The following CFAP184 variants were observed in gnomAD, a reference collection of about 807,000 sequenced individuals.
CFAP184 encodes the protein cilia- and flagella-associated protein 184.
chr4:7,041,874 CAG>C, the CFAP184 span: 1 of 1,610,874 alleles, frequency 6.2e-7, no homozygotes, highest in South Asian at 1.1e-5. Context: ...CCACCTCTCG[CAG>C]AGCAGCCTGG....
At chr4:7,042,033 C>G in the CFAP184 span, 1 of 1,611,658 alleles carries the variant, frequency 6.2e-7, no homozygotes, top group East Asian at 2.2e-5. Context: ...GGTACCACTG[C>G]AGGTCGTCTG....
chr4:7,042,879 G>T, the CFAP184 span: 1 of 1,560,354 alleles, frequency 6.4e-7, no homozygotes, highest in East Asian at 2.4e-5. Flanking sequence ...GCGCGGCCAG[G>T]CTTTCCCCGT....
chr4:7,042,141 A>G, the CFAP184 span: 1 of 1,605,712 alleles, frequency 6.2e-7, no homozygotes, highest in Non-Finnish European at 8.5e-7. Flanking sequence ...CAGCCACCTC[A>G]GCGGCCTCCA....
the CFAP184 span, chr4:7,041,239 A>T: frequency 1.0e-5 from 16 of 1,532,210 alleles, no homozygotes; most frequent in African/African-American, 1.4e-5. Context: ...CCTGAGGATG[A>T]AGTGTTTTGC....
chr4:7,042,840 G>A, the CFAP184 span: 1 of 1,574,308 alleles, frequency 6.4e-7, no homozygotes, highest in Non-Finnish European at 8.6e-7. Context: ...AGGTCGGAGG[G>A]CCAGAGCTGG....
chr4:7,042,188 G>A, the CFAP184 span: 1 of 1,600,778 alleles, frequency 6.2e-7, no homozygotes, highest in Non-Finnish European at 8.5e-7. Context: ...AAGATCTTGT[G>A]CTGCAGGTAT....
chr4:7,042,969 C>A, the CFAP184 span: 1 of 1,398,906 alleles, frequency 7.1e-7, no homozygotes, highest in South Asian at 1.7e-5. Flanking sequence ...GCAGCGGACC[C>A]CGGCAGGACG....
At chr4:7,042,920 G>C in the CFAP184 span, 1 of 1,505,206 alleles carries the variant, frequency 6.6e-7, no homozygotes. Flanking sequence ...TCCTTAGTGT[G>C]CTCAGAGCTG....
chr4:7,042,779 G>GCTCCTCCTC, the CFAP184 span: 1 of 1,542,456 alleles, frequency 6.5e-7, no homozygotes, highest in South Asian at 1.2e-5. Context: ...GAAGCCGCTT[G>GCTCCTCCTC]CTCCTCCTCC....
the CFAP184 span, chr4:7,042,242 G>A: frequency 1.3e-6 from 2 of 1,598,716 alleles, no homozygotes; most frequent in Non-Finnish European, 1.7e-6. Flanking sequence ...AGCAGGGAAC[G>A]GTACTGGTCC....
chr4:7,042,051 C>G, the CFAP184 span: 4,402 of 1,611,220 alleles, frequency 2.7e-3, 104 homozygotes, highest in African/African-American at 0.046. Flanking sequence ...CTGCCTGCTG[C>G]TTCTTCAGCT....
the CFAP184 span, chr4:7,042,902 C>A: frequency 6.5e-7 from 1 of 1,549,748 alleles, no homozygotes; most frequent in Non-Finnish European, 8.7e-7. Flanking sequence ...CCGCCTTCCC[C>A]GCCGGGGTCC....
chr4:7,042,451 T>C, the CFAP184 span: 1 of 1,611,302 alleles, frequency 6.2e-7, no homozygotes, highest in African/African-American at 1.3e-5. Flanking sequence ...CTCCACCCGC[T>C]CTGTCTCGGC....
At chr4:7,041,621 C>T in the CFAP184 span, 1 of 1,614,260 alleles carries the variant, frequency 6.2e-7, no homozygotes, top group East Asian at 2.2e-5. Context: ...ATTACTTGCA[C>T]ACTGTTGGTC....
At chr4:7,042,279 C>T in the CFAP184 span, 5 of 1,591,618 alleles carry the variant, frequency 3.1e-6, no homozygotes, top group Non-Finnish European at 4.3e-6. Flanking sequence ...GCTGCTGCTC[C>T]TGCAGCTTCT....
the CFAP184 span, chr4:7,041,807 C>T: frequency 2.7e-5 from 44 of 1,611,110 alleles, no homozygotes; most frequent in Admixed American, 6.7e-5. Context: ...TGAATGTTCT[C>T]CAGCCGCACG....
chr4:7,042,846 G>C, the CFAP184 span: 32 of 1,577,976 alleles, frequency 2.0e-5, no homozygotes, highest in South Asian at 3.7e-4. Flanking sequence ...GAGGGCCAGA[G>C]CTGGCCTTGA....
the CFAP184 span, chr4:7,041,375 G>A: frequency 1.9e-6 from 3 of 1,614,260 alleles, no homozygotes; most frequent in East Asian, 6.7e-5. Flanking sequence ...AGGCGCCGGT[G>A]AAGCAGTTCG....
the CFAP184 span, chr4:7,041,836 T>G: frequency 6.2e-7 from 1 of 1,610,032 alleles, no homozygotes; most frequent in Non-Finnish European, 8.5e-7. Context: ...CTCCTTCTCC[T>G]TTTTATCCTC....
Sources: gnomAD v4.1 joint callset for allele counts on GRCh38, gnomAD v4.1.1 for gene constraint, MANE v1.5 for transcripts, NCBI Gene and HGNC (gene_info 2026-07-23, HGNC 2026-07-21) for gene names.